R3HCC1: variants seen among roughly 807,000 people sequenced by gnomAD.
The protein encoded by R3HCC1 is R3H domain and coiled-coil containing 1.
R3HCC1 carries 32 observed loss-of-function variants against 40.0 expected under a neutral mutation model. That is an observed-to-expected ratio of 0.80 (90% confidence interval 0.60 to 1.07). The LOEUF (loss-of-function observed/expected upper bound fraction) is 1.07, where lower values mean the gene tolerates loss of function less well. R3HCC1 is among the 50% of genes least tolerant of loss of function. The pLI, the probability that R3HCC1 is intolerant of heterozygous loss-of-function variation, is 0.00. For synonymous variants in R3HCC1, 237 were observed against 232.8 expected (o/e 1.02, Z -0.17); for missense variants, 586 against 563.3 (o/e 1.04, Z -0.41).
At chr8:23,293,865 C>T (rs559528303) in intron 6 of R3HCC1, among the ~76,000 whole-genome samples, 1 of 152,268 alleles carries the variant, frequency 6.6e-6, no homozygotes, top group African/African-American at 2.4e-5. Context: ...AGTTACACAG[C>T]CTCTCAGTGT....
intron 7 of R3HCC1, chr8:23,295,320 TTTC>T (rs556736964): frequency 3.9e-4 from 144 of 370,040 alleles, no homozygotes; most frequent in East Asian, 3.4e-3. Context: ...TGTGAGTTGG[TTTC>T]TTCTTCTGTA....
chr8:23,290,400 C>T lies in R3HCC1; in HGVS notation c.783C>T (p.Asp261=), dbSNP rs909437434. Residue 261 remains aspartate, a synonymous_variant, in exon 4 of 8, where the codon GAC becomes GAT. Coordinates refer to ENST00000265806, the MANE Select transcript of R3HCC1 (RefSeq NM_001136108.3). The stretch of plus-strand genomic sequence containing the variant: ...GGCTGGTGGCAGAGGAGGAAGAGGA[C>T]GAAGAGGAGGTGGAAGAGGATGGCC... 1.7e-5 allele frequency: 26 copies of T among 1,551,284 alleles called. No homozygotes were observed. Among genetic ancestry groups the T allele is most frequent in the South Asian group, 2.4e-5 (2 of 84,048 alleles).
At chr8:23,288,372 C>A in intron 1 of R3HCC1, 134 bp from the exon 2 acceptor site, 1 of 1,306,898 alleles carries the variant, frequency 7.7e-7, no homozygotes, top group Non-Finnish European at 1.0e-6. Context: ...TGCCGGGGGT[C>A]CCTGGCATCA....
chr8:23,295,445 CCTT>C (rs1041085333), intron 7 of R3HCC1: 19 of 456,900 alleles, frequency 4.2e-5, no homozygotes, highest in Non-Finnish European at 7.5e-5. Flanking sequence ...CTCCTTTTCC[CCTT>C]CTACTTCCAG....
At chr8:23,288,311 G>A (rs1802784435) in intron 1 of R3HCC1, 154 bp downstream of exon 1, 1 of 1,113,258 alleles carries the variant, frequency 9.0e-7, no homozygotes, top group Non-Finnish European at 1.2e-6. Context: ...CCGCAGGCGG[G>A]GACGAGAGCC....
Position 23,293,354 on chromosome 8 carries a change from C to A in R3HCC1, c.1077C>A (p.Ile359=), listed in dbSNP as rs1278449994. 1 of 1,551,364 alleles carries A rather than the reference C, an allele frequency of 6.4e-7. No individual in the cohort carries two copies. The highest frequency in any genetic ancestry group is 2.4e-5 in the East Asian group (1 of 40,900). Residue 359 remains isoleucine, a synonymous_variant, in exon 6 of 8, where the codon ATC becomes ATA. Coordinates refer to ENST00000265806, the MANE Select transcript of R3HCC1 (RefSeq NM_001136108.3). The stretch of plus-strand genomic sequence containing the variant: ...TGGATGATACTCACGCACTCGGCAT[C>A]TTTCCCTGCCTGGCCTCAGGTAAGG...
At chr8:23,291,640 A>G in intron 5 of R3HCC1, 107 bp downstream of exon 5, 2 of 1,477,684 alleles carry the variant, frequency 1.4e-6, no homozygotes, top group South Asian at 2.7e-5. Flanking sequence ...CTTCAGCAAG[A>G]GAGACAGAAA....
intron 6 of R3HCC1, among the ~76,000 whole-genome samples, chr8:23,294,154 G>T (rs1199185521): frequency 6.6e-6 from 1 of 152,150 alleles, no homozygotes; most frequent in Non-Finnish European, 1.5e-5. Context: ...CCCCAGAGAG[G>T]GAGATTGTGG....
At chr8:23,289,418 C>T (rs577747675) in intron 3 of R3HCC1, among the ~76,000 whole-genome samples, 7 of 152,274 alleles carry the variant, frequency 4.6e-5, no homozygotes, top group South Asian at 2.1e-4. Context: ...GGGTGTGTGG[C>T]GGGGGGCCTC....
intron 6 of R3HCC1, 82 bp from the exon 7 acceptor site, chr8:23,294,687 G>C: frequency 9.5e-7 from 1 of 1,051,964 alleles, no homozygotes; most frequent in Non-Finnish European, 1.4e-6. Context: ...TGCACAACAC[G>C]GCTGCAGGGG....
At chr8:23,291,766 G>A (rs1802871396) in intron 5 of R3HCC1, among the ~76,000 whole-genome samples, 1 of 152,260 alleles carries the variant, frequency 6.6e-6, no homozygotes, top group South Asian at 2.1e-4. Context: ...CTAGACCTGG[G>A]CTGCCCCCCT....
At chr8:23,293,041 C>CT (rs1802902867) in intron 5 of R3HCC1, among the ~76,000 whole-genome samples, 2 of 152,298 alleles carry the variant, frequency 1.3e-5, no homozygotes, top group East Asian at 1.9e-4. Context: ...CATATGAGCT[C>CT]TTTGAGTCCT....
intron 5 of R3HCC1, among the ~76,000 whole-genome samples, chr8:23,292,469 C>T (rs1585334003): frequency 6.6e-6 from 1 of 152,162 alleles, no homozygotes; most frequent in Admixed American, 6.5e-5. Context: ...ATAAAATTAG[C>T]TGGGCGTGGT....
chr8:23,288,956 GGACC>G, intron 2 of R3HCC1, 56 bp from the exon 3 acceptor site: 1 of 1,520,908 alleles, frequency 6.6e-7, no homozygotes, highest in Non-Finnish European at 8.8e-7. Context: ...ACCTGGGAGT[GGACC>G]TGGTAGGGGC....
intron 5 of R3HCC1, among the ~76,000 whole-genome samples, chr8:23,292,755 G>T (rs577201043): frequency 6.6e-6 from 1 of 152,250 alleles, no homozygotes; most frequent in Admixed American, 6.5e-5. Context: ...CTGCTCTTCT[G>T]TTCTCTACCT....
intron 1 of R3HCC1, 98 bp downstream of exon 1, chr8:23,288,255 C>T (rs1585331034): frequency 3.5e-6 from 4 of 1,158,556 alleles, no homozygotes; most frequent in South Asian, 1.6e-5. Context: ...CCGTGAGCCC[C>T]GGGAAGGAGC....
chr8:23,294,049 G>C (rs1407119353), intron 6 of R3HCC1, among the ~76,000 whole-genome samples: 1 of 152,090 alleles, frequency 6.6e-6, no homozygotes, highest in African/African-American at 2.4e-5. Context: ...ACCCGAGCTG[G>C]GGCCTGGGAG....
At chr8:23,295,223 T>C (rs956702137) in intron 7 of R3HCC1, among the ~76,000 whole-genome samples, 4 of 152,176 alleles carry the variant, frequency 2.6e-5, no homozygotes, top group Non-Finnish European at 5.9e-5. Context: ...GGGAAGGGCC[T>C]GGGCTTTGGG....
intron 1 of R3HCC1, 26 bp downstream of exon 1, chr8:23,288,183 G>T (rs1802781338): frequency 8.3e-7 from 1 of 1,204,330 alleles, no homozygotes; most frequent in East Asian, 5.8e-5. Flanking sequence ...CTGGGGGGGT[G>T]GTCGTCCCGA....
Sources: allele counts gnomAD v4.1 joint callset (sites outside exome capture counted in the v4.1 genomes callset), GRCh38; gene constraint gnomAD v4.1.1; transcripts MANE v1.5; gene names NCBI Gene and HGNC (gene_info 2026-07-23, HGNC 2026-07-21).